The following HIVEP3 variants were observed in gnomAD, a reference collection of about 807,000 sequenced individuals.
HIVEP3 encodes HIVEP zinc finger 3, also known as transcription factor HIVEP3.
Under a neutral mutation model 152.8 loss-of-function variants are expected in HIVEP3, and 49 were observed. That is an observed-to-expected ratio of 0.32 (90% CI 0.26 to 0.41). The LOEUF (loss-of-function observed/expected upper bound fraction) is 0.41. HIVEP3 is among the 10% of genes least tolerant of loss of function. The pLI is 1.00. For synonymous variants in HIVEP3, 1,269 were observed against 1,289.0 expected, an observed-to-expected ratio of 0.98 and a Z score of 0.33; for missense variants, 2,790 against 3,103.3, an observed-to-expected ratio of 0.90 and a Z score of 2.40.
intron 1 of HIVEP3, among the ~76,000 whole-genome samples, chr1:41,960,066 TACA>T (rs1354230615): frequency 1.3e-5 from 2 of 152,040 alleles, no homozygotes; most frequent in Admixed American, 6.5e-5. Flanking sequence ...AACTGGCAAG[TACA>T]ACAACAACAG....
intron 1 of HIVEP3, among the ~76,000 whole-genome samples, chr1:41,914,773 T>C (rs1045719966): frequency 2.6e-5 from 4 of 152,210 alleles, no homozygotes; most frequent in Admixed American, 6.5e-5. Flanking sequence ...TACACAGATG[T>C]AAGAAACAGA....
chr1:41,787,957 T>TGGG (rs1255273657), intron 1 of HIVEP3, among the ~76,000 whole-genome samples: 1 of 152,046 alleles, frequency 6.6e-6, no homozygotes, highest in East Asian at 1.9e-4. Flanking sequence ...TCTGAGCCCC[T>TGGG]GGGGAGAGAG....
In HIVEP3 at chr1:41,509,822, C is replaced by CAAAAAA. The variant is rs55654443; in HGVS notation, c.*623_*628dup. On this transcript the variant is annotated 3_prime_UTR_variant, in exon 9 of 9. Coordinates refer to ENST00000372583, the MANE Select transcript of HIVEP3 (RefSeq NM_024503.5). The stretch of plus-strand genomic sequence containing the variant: ...GGAAAAGTATCATTTTATTTTCTTG[C>CAAAAAA]AAAAAAAAAAAAAAAAAAAAAAAAG... The CAAAAAA allele has an allele frequency of 1.2e-5, 1 of 82,036 alleles. No homozygotes were observed. The highest frequency in any genetic ancestry group is 2.2e-5 in the Non-Finnish European group (1 of 44,502). The allele number at this position is 82,036 out of a possible 1,614,324, so 5.1% of individuals were successfully genotyped here. A position where few individuals can be genotyped will look rare whatever the true frequency, so the allele number is the denominator to read the frequency against.
intron 1 of HIVEP3, among the ~76,000 whole-genome samples, chr1:41,904,647 T>G (rs1376716845): frequency 1.5e-5 from 1 of 65,024 alleles, no homozygotes; most frequent in Non-Finnish European, 4.6e-5. Flanking sequence ...ACTTGAAACT[T>G]CATTCATTGT....
intron 1 of HIVEP3, among the ~76,000 whole-genome samples, chr1:41,978,373 A>G (rs976861313): frequency 6.6e-6 from 1 of 152,188 alleles, no homozygotes; most frequent in Non-Finnish European, 1.5e-5. Context: ...GAGGTAATTA[A>G]GGTTACATGA....
At chr1:41,663,835 C>T (rs1645754936) in intron 2 of HIVEP3, among the ~76,000 whole-genome samples, 1 of 152,172 alleles carries the variant, frequency 6.6e-6, no homozygotes, top group African/African-American at 2.4e-5. Context: ...TTCTGTGGAT[C>T]ACCACCACCC....
chr1:41,642,027 G>A (rs1348244312), intron 2 of HIVEP3, among the ~76,000 whole-genome samples: 1 of 152,198 alleles, frequency 6.6e-6, no homozygotes, highest in Non-Finnish European at 1.5e-5. Context: ...TGCACATAAA[G>A]TGCTTAGAAC....
intron 1 of HIVEP3, among the ~76,000 whole-genome samples, chr1:42,002,174 C>A (rs1387445676): frequency 1.3e-5 from 2 of 152,116 alleles, no homozygotes; most frequent in Non-Finnish European, 2.9e-5. Flanking sequence ...CTGACAATGA[C>A]TCGCTGACGC....
At chr1:41,863,680 C>T (rs1213472401) in intron 1 of HIVEP3, among the ~76,000 whole-genome samples, 2 of 152,204 alleles carry the variant, frequency 1.3e-5, no homozygotes, top group African/African-American at 4.8e-5. Context: ...ATTGATCTAA[C>T]GGCACACATA....
chr1:41,723,988 A>G lies in HIVEP3; in HGVS notation c.-800-22993T>C, dbSNP rs543307019. 1.1e-3 allele frequency among the ~76,000 whole-genome samples: 164 copies of G among 152,308 alleles called. 1 individual carries two copies. Among genetic ancestry groups the G allele is most frequent in the African/African-American group, 3.8e-3 (159 of 41,564 alleles). On this transcript the variant is annotated intron_variant, in intron 1 of 8. Coordinates refer to ENST00000372583, the MANE Select transcript of HIVEP3 (RefSeq NM_024503.5). ...GATGGAGAGGAAGTAAGCTTTCCCA[A>G]CTTCCTTCAAATGCTATAATCTGCC...
chr1:41,531,055 AGAAGGGAGGACAGGAGC>A (rs1643230715), intron 5 of HIVEP3, among the ~76,000 whole-genome samples: 1 of 149,834 alleles, frequency 6.7e-6, no homozygotes, highest in African/African-American at 2.5e-5. Flanking sequence ...AGAATGGGAG[AGAAGGGAGGACAGGAGC>A]GAAGGGAGGA....
chr1:41,583,211 G>A lies in HIVEP3; in HGVS notation c.1587C>T (p.Pro529=), dbSNP rs749357606. Residue 529 remains proline (P), a synonymous_variant, in exon 4 of 9, where the codon CCC becomes CCT. Coordinates refer to ENST00000372583, the MANE Select transcript of HIVEP3 (RefSeq NM_024503.5). The surrounding 1 kb of genome is among the most constrained non-coding windows in gnomAD (Gnocchi z 6.9). ...GGAGAGGCACAGGGGGGGCGGTACT[G>A]GGCGGGTGCTGGAGGCTCAGCAGTG... ...EQSLLSLQHP[P]STAPPVPLLR... 8 of 1,611,450 alleles carry A rather than the reference G, an allele frequency of 5.0e-6. No individual in the cohort carries two copies. Among genetic ancestry groups the A allele is most frequent in the Non-Finnish European group, 4.2e-6 (5 of 1,178,704 alleles).
chr1:41,811,055 C>T (rs1167019608), intron 1 of HIVEP3, among the ~76,000 whole-genome samples: 2 of 152,062 alleles, frequency 1.3e-5, no homozygotes, highest in African/African-American at 4.8e-5. Context: ...TGTTTATTGA[C>T]CAGTTTATTT....
intron 1 of HIVEP3, among the ~76,000 whole-genome samples, chr1:41,804,832 A>T (rs868293278): frequency 1.3e-5 from 2 of 152,204 alleles, no homozygotes; most frequent in Non-Finnish European, 2.9e-5. Context: ...GTTTTAGAGC[A>T]TCTCCTATCC....
intron 5 of HIVEP3, among the ~76,000 whole-genome samples, chr1:41,574,096 C>T (rs915676075): frequency 2.0e-5 from 3 of 152,132 alleles, no homozygotes; most frequent in Non-Finnish European, 4.4e-5. Context: ...CGGGCACACA[C>T]AGACTGCTGC....
chr1:41,983,034 G>T (rs1364704271), intron 1 of HIVEP3, among the ~76,000 whole-genome samples: 4 of 152,150 alleles, frequency 2.6e-5, no homozygotes, highest in African/African-American at 9.7e-5. Context: ...TTCTCAAAAG[G>T]AGTGTGCAAC....
chr1:41,989,702 G>A (rs1459104373), intron 1 of HIVEP3, among the ~76,000 whole-genome samples: 1 of 145,718 alleles, frequency 6.9e-6, no homozygotes, highest in Non-Finnish European at 1.5e-5. Context: ...GTGACCTGAA[G>A]TACTCAGCAA....
chr1:41,754,301 C>T (rs1394501150), intron 1 of HIVEP3, among the ~76,000 whole-genome samples: 3 of 152,058 alleles, frequency 2.0e-5, no homozygotes, highest in African/African-American at 7.3e-5. Context: ...AGAGGCAACC[C>T]TCTGGCTTCT....
chr1:41,521,847 G>A (rs962285704), intron 6 of HIVEP3, among the ~76,000 whole-genome samples: 4 of 152,244 alleles, frequency 2.6e-5, no homozygotes, highest in Admixed American at 6.5e-5. Flanking sequence ...CCCCTGAGGC[G>A]ATCGGTGCAA....
Sources: gnomAD v4.1 joint callset for allele counts (sites outside exome capture counted in the v4.1 genomes callset) on GRCh38, gnomAD v4.1.1 for gene constraint, Gnocchi (gnomAD v3.1) non-coding constraint, MANE v1.5 for transcripts, NCBI Gene and HGNC (gene_info 2026-07-23, HGNC 2026-07-21) for gene names.